Variants in RHOC observed in about 807,000 individuals in gnomAD.
RHOC encodes the protein rho-related GTP-binding protein RhoC.
In RHOC, 13 loss-of-function variants were observed where a neutral mutation model predicts 19.5. The observed-to-expected ratio is 0.67, with a 90% CI of 0.43 to 1.06. The LOEUF is 1.06. Ranked by LOEUF, RHOC falls within the 50% of genes least tolerant of loss-of-function variation. The pLI is 0.00. For synonymous variants in RHOC, 106 were observed against 97.3 expected, an observed-to-expected ratio of 1.09 and a Z score of -0.52; for missense variants, 173 against 256.9, an observed-to-expected ratio of 0.67 and a Z score of 2.23.
At chr1:112,705,021 C>A in intron 2 of RHOC, 79 bp downstream of exon 2, 1 of 687,794 alleles carries the variant, frequency 1.5e-6, no homozygotes, top group Non-Finnish European at 2.7e-6. Flanking sequence ...ACCCCCAGCA[C>A]ACACAGCGAG....
chr1:112,706,493 CACA>C (rs569791625), intron 1 of RHOC, among the ~76,000 whole-genome samples: 569 of 31,254 alleles, frequency 0.018, 45 homozygotes, highest in Non-Finnish European at 0.031. Flanking sequence ...CACACACACA[CACA>C]CACACACACA....
In RHOC at chr1:112,703,892, C is replaced by T; in HGVS notation, c.-7-86G>A. ...TAGGGCCCCCAAACCTCCCTGGAAA[C>T]CGAGGCATCTAGCAAAGGGACAGGG... On this transcript the variant is annotated intron_variant, in intron 2 of 5. Coordinates refer to ENST00000339083, the MANE Select transcript of RHOC (RefSeq NM_175744.5). The T allele has an allele frequency of 3.9e-6, 5 of 1,291,630 alleles. No homozygotes were observed. In the South Asian group the frequency reaches 7.1e-5, roughly 18 times the overall value. 80.0% of individuals were successfully genotyped at this position (1,291,630 alleles called of 1,614,324 possible).
chr1:112,703,203 C>G, intron 3 of RHOC, 84 bp from the exon 4 acceptor site: 1 of 1,503,528 alleles, frequency 6.7e-7, no homozygotes, highest in South Asian at 1.2e-5. Context: ...GTCCTTCGGG[C>G]TCACTGAACT....
At chr1:112,701,830 A>C in intron 5 of RHOC, 117 bp from the exon 6 acceptor site, 1 of 1,107,156 alleles carries the variant, frequency 9.0e-7, no homozygotes, top group Non-Finnish European at 1.3e-6. Context: ...CTGACCCAGA[A>C]AGCGCCCAGG....
At chr1:112,706,464 CCACACACACACACACACACACACACACA>C (rs57078670) in intron 1 of RHOC, among the ~76,000 whole-genome samples, 1,774 of 22,702 alleles carry the variant, frequency 0.078, 40 homozygotes, top group Non-Finnish European at 0.099. Flanking sequence ...CACACACACA[CCACACACACACACACACACACACACACA>C]CACACACACA....
intron 5 of RHOC, among the ~76,000 whole-genome samples, chr1:112,702,245 C>CT (rs1359881397): frequency 6.6e-6 from 1 of 152,144 alleles, no homozygotes; most frequent in African/African-American, 2.4e-5. Context: ...CAGGGGCACT[C>CT]TGATGGCACA....
chr1:112,705,839 C>T, intron 1 of RHOC: 1 of 365,932 alleles, frequency 2.7e-6, no homozygotes, highest in Non-Finnish European at 5.5e-6. Flanking sequence ...ATGAGTATGC[C>T]ACTGCTGTCC....
intron 5 of RHOC, 38 bp downstream of exon 5, chr1:112,702,525 T>A: frequency 6.2e-7 from 1 of 1,609,332 alleles, no homozygotes; most frequent in Non-Finnish European, 8.5e-7. Context: ...AGAGGGTGCA[T>A]TCTTCCCCAG....
Position 112,701,135 on chromosome 1 carries a change from A to T in RHOC, c.*405T>A, listed in dbSNP as rs1382288617. Reference sequence around the variant, plus strand: ...GACCGAAAGCTGCCACACACGTTGGAGCCTGTAGCCTTTATTCATGCCCCC... The same window carrying T: ...GACCGAAAGCTGCCACACACGTTGGTGCCTGTAGCCTTTATTCATGCCCCC... On this transcript the variant is annotated 3_prime_UTR_variant, in exon 6 of 6. Coordinates refer to ENST00000339083, the MANE Select transcript of RHOC (RefSeq NM_175744.5). 2.2e-6 allele frequency: 1 copy of T among 453,128 alleles called. No homozygotes were observed. Among genetic ancestry groups the T allele is most frequent in the Non-Finnish European group, 4.0e-6 (1 of 252,472 alleles). The allele number at this position is 453,128 out of a possible 1,614,324, so 28.1% of individuals were successfully genotyped here. A position where few individuals can be genotyped will look rare whatever the true frequency, so the allele number is the denominator to read the frequency against.
Position 112,701,494 on chromosome 1 carries a change from G to T in RHOC, c.*46C>A. 2 of 1,613,972 alleles carry T rather than the reference G, an allele frequency of 1.2e-6. No homozygotes were observed. Among genetic ancestry groups the T allele is most frequent in the Non-Finnish European group, 1.7e-6 (2 of 1,179,890 alleles). ...CTGGGGTTGTAGGGGGATAATTTCT[G>T]TACCCCTGTGAAGGGAGGGGGCATG... On this transcript the variant is annotated 3_prime_UTR_variant, in exon 6 of 6. Transcript: ENST00000339083.
Position 112,701,415 on chromosome 1 carries a change from C to G in RHOC, c.*125G>C. On this transcript the variant is annotated 3_prime_UTR_variant, in exon 6 of 6. Coordinates refer to ENST00000339083, the MANE Select transcript of RHOC (RefSeq NM_175744.5). ...CCTCGGGGCTAGAAAACAATGCAGT[C>G]CTGGGCAGGAGGGAACTGAAAATGG... The G allele has an allele frequency of 5.6e-6, 9 of 1,595,300 alleles. No homozygotes were observed. Among genetic ancestry groups the G allele is most frequent in the Non-Finnish European group, 7.7e-6 (9 of 1,170,886 alleles).
Position 112,701,615 on chromosome 1 carries a change from C to T in RHOC, c.507G>A (p.Glu169=). 6.2e-7 allele frequency: 1 copy of T among 1,614,114 alleles called. No homozygotes were observed. Among genetic ancestry groups the T allele is most frequent in the Non-Finnish European group, 8.5e-7 (1 of 1,180,002 alleles). ...CAGCCCGAGTGGCCATCTCAAACAC[C>T]TCCCGCACTCCCTCCTTGGTCTTGG... The part of the protein sequence containing the change: ...CSAKTKEGVR[E]VFEMATRAGL... The change falls in exon 6 of 6, where the codon GAG becomes GAA. Residue 169 remains glutamate, a synonymous_variant. Coordinates refer to ENST00000339083, the MANE Select transcript of RHOC (RefSeq NM_175744.5).
At chr1:112,706,506 A>ACC (rs1674892518) in intron 1 of RHOC, among the ~76,000 whole-genome samples, 1 of 88,114 alleles carries the variant, frequency 1.1e-5, no homozygotes, top group Admixed American at 1.3e-4. Flanking sequence ...ACACACACAC[A>ACC]CACACACACA....
intron 1 of RHOC, among the ~76,000 whole-genome samples, chr1:112,706,560 C>T (rs1475586696): frequency 6.8e-6 from 1 of 147,288 alleles, no homozygotes; most frequent in African/African-American, 2.5e-5. Context: ...TTCCCCATCT[C>T]CCTTATCCTC....
At chr1:112,705,424 TCTTCC>T in intron 1 of RHOC, 1 of 597,446 alleles carries the variant, frequency 1.7e-6, no homozygotes, top group Non-Finnish European at 3.0e-6. Context: ...GCCCCAGGCC[TCTTCC>T]CTTCAACATA....
At chr1:112,706,925 T>G (rs1175575729) in intron 1 of RHOC, 153 bp downstream of exon 1, 1 of 151,784 alleles carries the variant, frequency 6.6e-6, no homozygotes, top group Non-Finnish European at 1.5e-5. Flanking sequence ...CCAGCCCGGA[T>G]GCCGACTCCG....
intron 1 of RHOC, chr1:112,706,688 G>A (rs1674908542): frequency 1.3e-5 from 2 of 152,150 alleles, no homozygotes; most frequent in South Asian, 4.1e-4. Context: ...TGGCCTGGAG[G>A]AATTCCCACC....
chr1:112,703,201 G>T, intron 3 of RHOC, 82 bp from the exon 4 acceptor site: 2 of 1,536,020 alleles, frequency 1.3e-6, no homozygotes, highest in Non-Finnish European at 1.8e-6. Flanking sequence ...CTGTCCTTCG[G>T]GCTCACTGAA....
chr1:112,705,927 G>C (rs1674820925), intron 1 of RHOC: 1 of 326,750 alleles, frequency 3.1e-6, no homozygotes, highest in South Asian at 2.5e-5. Flanking sequence ...CATGCGTTAA[G>C]GGACCTGGAG....
Sources: gnomAD v4.1 joint callset for allele counts (sites outside exome capture counted in the v4.1 genomes callset) on GRCh38, gnomAD v4.1.1 for gene constraint, MANE v1.5 for transcripts, NCBI Gene and HGNC (gene_info 2026-07-23, HGNC 2026-07-21) for gene names.